Variants in SLC30A4 observed in about 807,000 individuals in gnomAD.
SLC30A4 encodes the protein probable proton-coupled zinc antiporter SLC30A4.
Under a neutral mutation model 41.7 loss-of-function variants are expected in SLC30A4, and 20 were observed. The ratio of observed to expected loss-of-function variants is 0.48; its 90% CI spans 0.34 to 0.70. SLC30A4 has a LOEUF of 0.70. Ranked by LOEUF, SLC30A4 falls within the 30% of genes least tolerant of loss-of-function variation. The pLI is 0.01. For synonymous variants in SLC30A4, 181 were observed against 195.9 expected, an observed-to-expected ratio of 0.92 and a Z score of 0.64; for missense variants, 441 against 529.3, an observed-to-expected ratio of 0.83 and a Z score of 1.64.
chr15:45,513,654 T>C (rs1892367594), intron 2 of SLC30A4: 1 of 152,178 alleles, frequency 6.6e-6, no homozygotes, highest in Non-Finnish European at 1.5e-5. Context: ...ACAGTTATCT[T>C]CATGGTGTTT....
intron 2 of SLC30A4, among the ~76,000 whole-genome samples, chr15:45,513,187 TTTAA>T (rs1422264635): frequency 3.3e-5 from 5 of 151,276 alleles, no homozygotes; most frequent in South Asian, 2.1e-4. Flanking sequence ...AACTAAGGAA[TTTAA>T]TTAATTAAAC....
At position 45,480,950 on chromosome 15, in the gene SLC30A4, G is replaced by T. The variant is rs993535840; in HGVS notation, c.*4213C>A. ...CTGGAACAACCAGCCATTTTAAAAA[G>T]GTTCTTTCATACCTGGACATACATT... On this transcript the variant is annotated 3_prime_UTR_variant, in exon 8 of 8. Transcript: ENST00000261867. 1 of 152,150 alleles carries T rather than the reference G, an allele frequency of 6.6e-6. No homozygotes were observed. Among genetic ancestry groups the T allele is most frequent in the Non-Finnish European group, 1.5e-5 (1 of 68,028 alleles). 9.4% of individuals were successfully genotyped at this position (152,150 alleles called of 1,614,324 possible). A position where few individuals can be genotyped will look rare whatever the true frequency, so the allele number is the denominator to read the frequency against.
intron 7 of SLC30A4, among the ~76,000 whole-genome samples, 173 bp downstream of exon 7, chr15:45,486,438 C>G (rs1279492380): frequency 1.3e-5 from 2 of 152,128 alleles, no homozygotes; most frequent in Non-Finnish European, 2.9e-5. Context: ...CTTTAAAGAG[C>G]CTTTTGTTTA....
chr15:45,509,965 G>A (rs1342708219), intron 3 of SLC30A4, among the ~76,000 whole-genome samples: 8 of 152,094 alleles, frequency 5.3e-5, no homozygotes, highest in Non-Finnish European at 1.2e-4. Flanking sequence ...CCAGCTACTC[G>A]GGAGGCTGAG....
At chr15:45,517,133 C>A (rs1180091424) in intron 2 of SLC30A4, among the ~76,000 whole-genome samples, 1 of 151,764 alleles carries the variant, frequency 6.6e-6, no homozygotes, top group Admixed American at 6.6e-5. Context: ...TTTATTTCCA[C>A]TTTGAAATAC....
At chr15:45,516,962 A>C (rs2140859575) in intron 2 of SLC30A4, among the ~76,000 whole-genome samples, 1 of 152,244 alleles carries the variant, frequency 6.6e-6, no homozygotes, top group African/African-American at 2.4e-5. Context: ...AACAAGCAAA[A>C]TTAGATGCAT....
intron 4 of SLC30A4, among the ~76,000 whole-genome samples, chr15:45,489,281 A>G (rs1891764623): frequency 6.6e-6 from 1 of 152,144 alleles, no homozygotes; most frequent in South Asian, 2.1e-4. Flanking sequence ...ATAAGTACAT[A>G]AGGTATAGCC....
intron 3 of SLC30A4, among the ~76,000 whole-genome samples, chr15:45,493,901 C>T (rs1891858320): frequency 6.6e-6 from 1 of 152,040 alleles, no homozygotes; most frequent in Non-Finnish European, 1.5e-5. Context: ...AAAACAAAAA[C>T]ATACCATTTC....
chr15:45,511,340 C>A, intron 2 of SLC30A4, 56 bp from the exon 3 acceptor site: 1 of 1,305,626 alleles, frequency 7.7e-7, no homozygotes, highest in Non-Finnish European at 1.1e-6. Context: ...AAAAAGCAAG[C>A]AATCAAACTA....
intron 7 of SLC30A4, 56 bp from the exon 8 acceptor site, chr15:45,485,373 G>A: frequency 5.6e-6 from 7 of 1,260,662 alleles, no homozygotes; most frequent in Admixed American, 4.6e-5. Context: ...TCTTGAATAA[G>A]ATACAGGGAA....
At chr15:45,515,372 C>T (rs908979366) in intron 2 of SLC30A4, among the ~76,000 whole-genome samples, 2 of 151,576 alleles carry the variant, frequency 1.3e-5, no homozygotes, top group African/African-American at 4.8e-5. Context: ...AAAGAAATTT[C>T]GGCCGGGCGT....
intron 3 of SLC30A4, among the ~76,000 whole-genome samples, chr15:45,506,394 A>G (rs1892157274): frequency 6.6e-6 from 1 of 152,174 alleles, no homozygotes; most frequent in Admixed American, 6.5e-5. Context: ...CCCTCTGTGA[A>G]GTTTTCAGGA....
At chr15:45,522,549 G>A (rs1425031089) in intron 1 of SLC30A4, 58 bp downstream of exon 1, 5 of 532,826 alleles carry the variant, frequency 9.4e-6, no homozygotes, top group African/African-American at 4.0e-5. Flanking sequence ...GCGGGTCGCA[G>A]GGCCGACCCC....
At chr15:45,490,239 G>A (rs1037977042) in intron 4 of SLC30A4, among the ~76,000 whole-genome samples, 7 of 151,960 alleles carry the variant, frequency 4.6e-5, no homozygotes, top group African/African-American at 1.5e-4. Flanking sequence ...CCATAGGCAC[G>A]AGCCACCGTG....
chr15:45,492,909 T>C (rs546193872), intron 3 of SLC30A4, among the ~76,000 whole-genome samples: 1 of 152,320 alleles, frequency 6.6e-6, no homozygotes, highest in South Asian at 2.1e-4. Flanking sequence ...AGTTTTTTAC[T>C]ATATAAATAT....
chr15:45,498,296 T>C (rs575101098), intron 3 of SLC30A4, among the ~76,000 whole-genome samples: 1 of 152,236 alleles, frequency 6.6e-6, no homozygotes, highest in East Asian at 1.9e-4. Flanking sequence ...GAGTGGGCTA[T>C]ATTGGATTTG....
chr15:45,485,221 T>A lies in SLC30A4; in HGVS notation c.1232A>T (p.Gln411Leu). The change falls in exon 8 of 8, where the codon CAG becomes CTG. Residue 411 changes from glutamine (Q) to leucine (L), a missense_variant. By Grantham distance (113) the Gln-to-Leu change is moderately radical. This residue lies in a region of SLC30A4 where 100 missense variants were observed against 121.0 expected (regional missense o/e 0.83). Coordinates refer to ENST00000261867, the MANE Select transcript of SLC30A4 (RefSeq NM_013309.6). ...TCTGTCCACTTCTTGCCTGTAACTC[T>A]GAAGCTGAATAGTACATCTATACAT... ...FGMYRCTIQL[Q>L]SYRQEVDRTC... The A allele has an allele frequency of 6.2e-7, 1 of 1,613,502 alleles. No individual in the cohort carries two copies. The highest frequency in any genetic ancestry group is 8.5e-7 in the Non-Finnish European group (1 of 1,179,620).
intron 2 of SLC30A4, among the ~76,000 whole-genome samples, chr15:45,517,776 G>A (rs966051070): frequency 5.9e-5 from 9 of 151,702 alleles, no homozygotes; most frequent in East Asian, 2.0e-4. Flanking sequence ...GTGAAACCCC[G>A]TCTCTACTAA....
rs1891632971 is a variant in SLC30A4 at position 45,483,288 on chromosome 15, A to T, written c.*1875T>A. 6.6e-6 allele frequency: 1 copy of T among 152,210 alleles called. No individual in the cohort carries two copies. Among genetic ancestry groups the T allele is most frequent in the East Asian group, 1.9e-4 (1 of 5,204 alleles). The allele number at this position is 152,210 out of a possible 1,614,324, so 9.4% of individuals were successfully genotyped here. On this transcript the variant is annotated 3_prime_UTR_variant, in exon 8 of 8. Coordinates refer to ENST00000261867, the MANE Select transcript of SLC30A4 (RefSeq NM_013309.6). ...TATATTGTAAGTCATCTGCATGCTT[A>T]TCTAGAATTTCAACTTACAATTTGC...
Sources: allele counts gnomAD v4.1 joint callset (sites outside exome capture counted in the v4.1 genomes callset), GRCh38; gene constraint gnomAD v4.1.1; regional missense constraint gnomAD v4.1.1; transcripts MANE v1.5; gene names NCBI Gene and HGNC (gene_info 2026-07-23, HGNC 2026-07-21).